PTPRD: variants seen among roughly 807,000 people sequenced by gnomAD.
The protein encoded by PTPRD is receptor-type tyrosine-protein phosphatase delta.
PTPRD carries 34 observed loss-of-function variants against 214.5 expected under a neutral mutation model. The ratio of observed to expected loss-of-function variants is 0.16; its 90% confidence interval spans 0.12 to 0.21. The LOEUF (loss-of-function observed/expected upper bound fraction) is 0.21, where lower values mean the gene tolerates loss of function less well. Among genes scored for constraint, PTPRD ranks in the 10% least tolerant of loss-of-function variants. The pLI is 1.00. For synonymous variants in PTPRD, 1,128 were observed against 845.7 expected, an observed-to-expected ratio of 1.33 and a Z score of -5.79; for missense variants, 2,545 against 2,398.7, an observed-to-expected ratio of 1.06 and a Z score of -1.27.
chr9:8,758,820 C>T (rs950562411), intron 11 of PTPRD, among the ~76,000 whole-genome samples: 1 of 151,120 alleles, frequency 6.6e-6, no homozygotes, highest in Non-Finnish European at 1.5e-5. Flanking sequence ...TGCAATGGCG[C>T]GATGACAGGC....
intron 11 of PTPRD, among the ~76,000 whole-genome samples, chr9:8,862,464 T>G (rs748884386): frequency 2.0e-5 from 3 of 152,170 alleles, no homozygotes; most frequent in Non-Finnish European, 2.9e-5. Context: ...ACCCATGTAG[T>G]TCTATGGATT....
intron 11 of PTPRD, among the ~76,000 whole-genome samples, chr9:8,791,468 C>G (rs979853581): frequency 7.9e-5 from 12 of 151,522 alleles, no homozygotes; most frequent in Admixed American, 5.9e-4. Context: ...TCACGATCTG[C>G]CCACCTTGGC....
At chr9:9,904,549 A>G (rs2077113554) in intron 5 of PTPRD, among the ~76,000 whole-genome samples, 1 of 152,118 alleles carries the variant, frequency 6.6e-6, no homozygotes, top group South Asian at 2.1e-4. Flanking sequence ...ATCACTAAAA[A>G]TGGCCACAGT....
intron 7 of PTPRD, among the ~76,000 whole-genome samples, chr9:9,610,807 C>T (rs1338779451): frequency 1.3e-5 from 2 of 151,834 alleles, no homozygotes; most frequent in African/African-American, 2.4e-5. Flanking sequence ...AATAAGAAAA[C>T]AAAAATCATC....
In PTPRD at chr9:9,606,965, TAAAAAAAAAAAAAAA is replaced by T. The variant is rs754610072; in HGVS notation, c.-286-32199_-286-32185del. ...GCAGTATCTGATTACTCAGCACTGC[TAAAAAAAAAAAAAAA>T]AAAAAAAAAAAAAAAAAAAAAAAAA... On this transcript the variant is annotated intron_variant, in intron 7 of 45. Coordinates refer to ENST00000381196, the MANE Select transcript of PTPRD (RefSeq NM_002839.4). Among the ~76,000 whole-genome samples, 83 of 27,480 alleles carry T rather than the reference TAAAAAAAAAAAAAAA, an allele frequency of 3.0e-3. 1 individual carries two copies. The highest frequency in any genetic ancestry group is 8.0e-3 in the East Asian group (4 of 498). The allele number at this position is 27,480 out of a possible 152,430, so 18.0% of individuals were successfully genotyped here. A position where few individuals can be genotyped will look rare whatever the true frequency, so the allele number is the denominator to read the frequency against.
chr9:10,595,908 C>T (rs565123643), intron 2 of PTPRD, among the ~76,000 whole-genome samples: 14 of 151,744 alleles, frequency 9.2e-5, no homozygotes, highest in Admixed American at 1.3e-4. Context: ...TCAAAGACTG[C>T]GATCTAAAAG....
chr9:8,637,406 G>C (rs2096467551), intron 12 of PTPRD, among the ~76,000 whole-genome samples: 1 of 152,196 alleles, frequency 6.6e-6, no homozygotes, highest in African/African-American at 2.4e-5. Flanking sequence ...GATATTGTAA[G>C]CTGTCTTACT....
chr9:9,078,956 G>A (rs1206599034), intron 10 of PTPRD, among the ~76,000 whole-genome samples: 1 of 151,950 alleles, frequency 6.6e-6, no homozygotes, highest in Non-Finnish European at 1.5e-5. Flanking sequence ...ATCAGATCAG[G>A]GTAATTAGCA....
At chr9:10,594,142 G>C (rs1380864028) in intron 2 of PTPRD, among the ~76,000 whole-genome samples, 13 of 151,774 alleles carry the variant, frequency 8.6e-5, no homozygotes. Context: ...CTGTTATGTA[G>C]AATATGCCTA....
At chr9:8,546,798 G>A (rs922373518) in intron 14 of PTPRD, among the ~76,000 whole-genome samples, 5 of 152,124 alleles carry the variant, frequency 3.3e-5, no homozygotes, top group African/African-American at 1.2e-4. Flanking sequence ...ACCGCACCTG[G>A]CCATACTATC....
chr9:10,016,275 C>A (rs561886349), intron 4 of PTPRD, among the ~76,000 whole-genome samples: 3 of 152,042 alleles, frequency 2.0e-5, no homozygotes, highest in Non-Finnish European at 2.9e-5. Flanking sequence ...TTTATAGTAA[C>A]CCATTTACAG....
intron 10 of PTPRD, among the ~76,000 whole-genome samples, chr9:9,175,473 A>G (rs2099924073): frequency 6.6e-6 from 1 of 151,786 alleles, no homozygotes; most frequent in Non-Finnish European, 1.5e-5. Context: ...ATACAAAAAA[A>G]TTAGCTGAGC....
At chr9:8,638,866 T>C (rs187765414) in intron 12 of PTPRD, among the ~76,000 whole-genome samples, 1 of 152,262 alleles carries the variant, frequency 6.6e-6, no homozygotes, top group Admixed American at 6.5e-5. Flanking sequence ...TTATTTTAGA[T>C]GGAGTCTCAC....
At chr9:9,042,088 AGAAACT>A (rs1435289673) in intron 10 of PTPRD, among the ~76,000 whole-genome samples, 3 of 152,182 alleles carry the variant, frequency 2.0e-5, no homozygotes, top group Non-Finnish European at 4.4e-5. Context: ...GACTAGACCT[AGAAACT>A]GAAATGCCAT....
intron 5 of PTPRD, among the ~76,000 whole-genome samples, chr9:9,929,852 T>G (rs1228800129): frequency 1.3e-5 from 2 of 152,198 alleles, no homozygotes; most frequent in Non-Finnish European, 1.5e-5. Flanking sequence ...AAAGAGAATA[T>G]GAGTTATTTT....
intron 3 of PTPRD, among the ~76,000 whole-genome samples, chr9:10,052,967 T>G (rs1021224657): frequency 6.6e-6 from 1 of 152,168 alleles, no homozygotes; most frequent in African/African-American, 2.4e-5. Flanking sequence ...ATTCTTTACA[T>G]GTATTTACTT....
chr9:10,601,217 T>G (rs758987012), intron 2 of PTPRD, among the ~76,000 whole-genome samples: 1 of 151,500 alleles, frequency 6.6e-6, no homozygotes, highest in African/African-American at 2.4e-5. Context: ...TAAGGTAGAG[T>G]CAGGGAGACA....
rs929068159 is a variant in PTPRD at position 9,968,171 on chromosome 9, G to A, written c.-471-29561C>T. ...ACCTATTATTCTTCAATGAAACCAT[G>A]AAGCCACAATTTTGAGTAATAACCA... is the stretch of plus-strand genomic sequence containing the variant. On this transcript the variant is annotated intron_variant, in intron 4 of 45. Transcript: ENST00000381196. 3.3e-5 allele frequency among the ~76,000 whole-genome samples: 5 copies of A among 152,232 alleles called. No individual in the cohort carries two copies. The East Asian group carries it at 9.7e-4, about 29-fold the overall frequency.
chr9:10,576,179 G>A (rs1429937114), intron 2 of PTPRD, among the ~76,000 whole-genome samples: 1 of 152,096 alleles, frequency 6.6e-6, no homozygotes, highest in Non-Finnish European at 1.5e-5. Flanking sequence ...AAGGCTATCA[G>A]TAAAATTTAA....
Sources: gnomAD v4.1 joint callset for allele counts (sites outside exome capture counted in the v4.1 genomes callset) on GRCh38, gnomAD v4.1.1 for gene constraint, MANE v1.5 for transcripts, NCBI Gene and HGNC (gene_info 2026-07-23, HGNC 2026-07-21) for gene names.